ATP13A4: variants seen among roughly 807,000 people sequenced by gnomAD.
ATP13A4 encodes the protein probable cation-transporting ATPase 13A4.
A neutral mutation model predicts 142.5 loss-of-function variants in ATP13A4; 114 were observed. The ratio of observed to expected loss-of-function variants is 0.80; its 90% CI spans 0.69 to 0.93. ATP13A4 has a LOEUF of 0.93. Among genes scored for constraint, ATP13A4 ranks in the 40% least tolerant of loss-of-function variants. The pLI, the probability that ATP13A4 is intolerant of heterozygous loss-of-function variation, is 0.00. For missense variants in ATP13A4, 1,392 were observed against 1,454.0 expected (o/e 0.96, Z 0.69); for synonymous variants, 488 against 514.8 (o/e 0.95, Z 0.70).
intron 29 of ATP13A4, among the ~76,000 whole-genome samples, chr3:193,405,058 T>C (rs982793353): frequency 1.3e-5 from 2 of 152,202 alleles, no homozygotes; most frequent in African/African-American, 4.8e-5. Context: ...CAAACCTGTT[T>C]GTTTTCAGGG....
In ATP13A4 at chr3:193,414,754, T is replaced by C. The variant is rs1443844590; in HGVS notation, c.2843-4A>G. ...GGGTAGGCACCATTCAGATTCACTA[T>C]AAAATAAATTCGAATTTTATATTTA... is the stretch of plus-strand genomic sequence containing the variant. On this transcript the variant is annotated splice_polypyrimidine_tract_variant and splice_region_variant and intron_variant, in intron 25 of 29. Transcript: ENST00000342695. 1.2e-6 allele frequency: 2 copies of C among 1,613,866 alleles called. No individual in the cohort carries two copies. Among genetic ancestry groups the C allele is most frequent in the African/African-American group, 1.3e-5 (1 of 75,032 alleles).
chr3:193,519,626 ATTTTTTTTT>A (rs147173408), intron 1 of ATP13A4, among the ~76,000 whole-genome samples: 40 of 69,040 alleles, frequency 5.8e-4, no homozygotes, highest in African/African-American at 2.6e-3. Context: ...GCAATTTGTA[ATTTTTTTTT>A]TTTTTTTTTT....
rs543882273 is a variant in ATP13A4, at chr3:193,501,747, T to C, written c.381+746A>G. Among the ~76,000 whole-genome samples, 34 of 152,258 alleles carry C rather than the reference T, an allele frequency of 2.2e-4. 1 individual carries two copies. The East Asian group carries it at 6.4e-3, about 29-fold the overall frequency. On this transcript the variant is annotated intron_variant, in intron 3 of 29. Transcript: ENST00000342695. ...ATGTAAGACAAAACATTCTGTCTTA[T>C]AAAATGTTTTTAATATGAATGTTAA...
intron 1 of ATP13A4, among the ~76,000 whole-genome samples, chr3:193,590,290 T>G (rs2108750657): frequency 6.6e-6 from 1 of 152,164 alleles, no homozygotes; most frequent in East Asian, 1.9e-4. Context: ...AGGAAAACAT[T>G]CCTTGTGTGC....
chr3:193,417,461 G>A (rs1715123817), intron 25 of ATP13A4, among the ~76,000 whole-genome samples: 1 of 152,190 alleles, frequency 6.6e-6, no homozygotes, highest in Admixed American at 6.5e-5. Flanking sequence ...AGGAGCAGTT[G>A]TTTTCATGCT....
chr3:193,557,982 G>A (rs2108734946), upstream of ATP13A4, among the ~76,000 whole-genome samples: 1 of 152,346 alleles, frequency 6.6e-6, no homozygotes, highest in East Asian at 1.9e-4. Flanking sequence ...GAAGAGGGGA[G>A]TGACATGTGG....
intron 8 of ATP13A4, 149 bp from the exon 9 acceptor site, chr3:193,471,142 G>A: frequency 1.1e-5 from 12 of 1,080,354 alleles, no homozygotes; most frequent in East Asian, 5.0e-5. Flanking sequence ...TTCAAAATTT[G>A]AAAACAAAAA....
chr3:193,492,766 A>G, intron 5 of ATP13A4, 151 bp downstream of exon 5: 1 of 655,812 alleles, frequency 1.5e-6, no homozygotes, highest in Non-Finnish European at 2.6e-6. Flanking sequence ...ATGTAATATA[A>G]TGTATGTGAA....
At position 193,402,573 on chromosome 3, in the gene ATP13A4, T is replaced by C. The variant is rs1714302000; in HGVS notation, c.*79A>G. On this transcript the variant is annotated 3_prime_UTR_variant, in exon 30 of 30. Coordinates refer to ENST00000342695, the MANE Select transcript of ATP13A4 (RefSeq NM_032279.4). ...AAAACTCCAGCTGATGTTACAAGAG[T>C]CTCATTTCTTAAAATCAATGAAACT... 1.3e-6 allele frequency: 1 copy of C among 763,984 alleles called. No homozygotes were observed. The highest frequency in any genetic ancestry group is 2.4e-6 in the Non-Finnish European group (1 of 414,276). 47.3% of individuals were successfully genotyped at this position (763,984 alleles called of 1,614,324 possible).
upstream of ATP13A4, among the ~76,000 whole-genome samples, chr3:193,557,277 C>G (rs966737229): frequency 1.3e-5 from 2 of 152,168 alleles, no homozygotes; most frequent in African/African-American, 4.8e-5. Context: ...GAGCTGAGGA[C>G]TCCAGTAGTG....
intron 3 of ATP13A4, among the ~76,000 whole-genome samples, chr3:193,500,119 A>G (rs1462809005): frequency 2.6e-5 from 4 of 152,194 alleles, no homozygotes; most frequent in Admixed American, 2.6e-4. Flanking sequence ...CAATATTTGC[A>G]AGAGATGAGG....
chr3:193,447,493 C>T lies in ATP13A4; in HGVS notation c.2152+713G>A, dbSNP rs74350632. ...GTGACATAAATGATAGAGTTAAAAG[C>T]ATCTGACTACAAGAGCAGGGAAAAG... On this transcript the variant is annotated intron_variant, in intron 18 of 29. Transcript: ENST00000342695. Among the ~76,000 whole-genome samples, 1,351 of 152,262 alleles carry T rather than the reference C, an allele frequency of 8.9e-3. 11 individuals carry two copies. Among genetic ancestry groups the T allele is most frequent in the Non-Finnish European group, 0.015 (996 of 68,018 alleles).
chr3:193,578,333 ATATCTATATCTATC>A (rs1280643774), intron 2 of ATP13A4, among the ~76,000 whole-genome samples: 1 of 146,456 alleles, frequency 6.8e-6, no homozygotes, highest in Non-Finnish European at 1.5e-5. Flanking sequence ...ATCTATATCT[ATATCTATATCTATC>A]TATCTATCTA....
At chr3:193,582,587 A>G (rs1422710317) in intron 1 of ATP13A4, among the ~76,000 whole-genome samples, 5 of 130,436 alleles carry the variant, frequency 3.8e-5, no homozygotes, top group Non-Finnish European at 7.8e-5. Flanking sequence ...TATATTACAT[A>G]TATTATATAT....
intron 28 of ATP13A4, among the ~76,000 whole-genome samples, chr3:193,408,826 G>T (rs1247347567): frequency 1.3e-5 from 2 of 152,128 alleles, no homozygotes; most frequent in Non-Finnish European, 2.9e-5. Context: ...CCACATCACA[G>T]TGTGATGCCT....
intron 17 of ATP13A4, among the ~76,000 whole-genome samples, chr3:193,450,654 C>T (rs1453158859): frequency 6.6e-6 from 1 of 152,094 alleles, no homozygotes; most frequent in Non-Finnish European, 1.5e-5. Flanking sequence ...AGGGTAAATG[C>T]ACCTGATAGC....
intron 7 of ATP13A4, among the ~76,000 whole-genome samples, chr3:193,486,400 G>C (rs1270261231): frequency 6.6e-6 from 1 of 152,148 alleles, no homozygotes; most frequent in Non-Finnish European, 1.5e-5. Flanking sequence ...ATGCTAACTT[G>C]AACCGTAATA....
chr3:193,590,061 G>A (rs569258508), intron 1 of ATP13A4, among the ~76,000 whole-genome samples: 1 of 151,666 alleles, frequency 6.6e-6, no homozygotes, highest in Non-Finnish European at 1.5e-5. Context: ...CATCCAGCAG[G>A]TTCTTCCTGC....
rs528137691 is a variant in ATP13A4, at chr3:193,572,498, G to T, written n.291+9209C>A. Among the ~76,000 whole-genome samples, 6 of 152,278 alleles carry T rather than the reference G, an allele frequency of 3.9e-5. 1 individual carries two copies. In the East Asian group the frequency reaches 7.7e-4, roughly 20 times the overall value. ...GCAATGTGCGAATTTGGATCTAGAT[G>T]GATGGTATGAACCAGTTTAGGTTTA... On this transcript the variant is annotated intron_variant and non_coding_transcript_variant, in intron 2 of 3. Coordinates refer to the ATP13A4 transcript ENST00000489140.
Sources: gnomAD v4.1 joint callset for allele counts (sites outside exome capture counted in the v4.1 genomes callset) on GRCh38, gnomAD v4.1.1 for gene constraint, MANE v1.5 for transcripts, NCBI Gene and HGNC (gene_info 2026-07-23, HGNC 2026-07-21) for gene names.